Variants in TACR3 observed in about 807,000 individuals in gnomAD.
TACR3 encodes tachykinin receptor 3.
A neutral mutation model predicts 35.0 loss-of-function variants in TACR3; 34 were observed. The observed-to-expected ratio is 0.97, with a 90% CI of 0.74 to 1.30. TACR3 has a LOEUF of 1.30. TACR3 is among the 50% of genes most tolerant of loss of function. The pLI is 0.00. For synonymous variants in TACR3, 233 were observed against 221.1 expected (o/e 1.05, Z -0.48); for missense variants, 558 against 591.7 (o/e 0.94, Z 0.59).
intron 3 of TACR3, among the ~76,000 whole-genome samples, chr4:103,614,893 T>A (rs1261526211): frequency 4.3e-5 from 5 of 117,228 alleles, no homozygotes; most frequent in African/African-American, 1.6e-4. Context: ...TGTTTTTTTT[T>A]TTTTTTTTTT....
At chr4:103,647,552 G>C (rs1490360523) in intron 3 of TACR3, among the ~76,000 whole-genome samples, 1 of 151,860 alleles carries the variant, frequency 6.6e-6, no homozygotes, top group Non-Finnish European at 1.5e-5. Context: ...GCTTTGGCAA[G>C]ATTAGTAACC....
Position 103,666,086 on chromosome 4 carries a change from G to A in TACR3, c.549-7683C>T, listed in dbSNP as rs950866691. On this transcript the variant is annotated intron_variant, in intron 1 of 4. Transcript: ENST00000304883. Reference sequence around the variant, plus strand: ...CAGTCCCTCACTCCCTCATTAAACTGGTAGGTCTAGCTCAACCTTTTGGAA... The same window carrying A: ...CAGTCCCTCACTCCCTCATTAAACTAGTAGGTCTAGCTCAACCTTTTGGAA... Among the ~76,000 whole-genome samples, 5 of 152,086 alleles carry A rather than the reference G, an allele frequency of 3.3e-5. No individual in the cohort carries two copies. In the East Asian group the frequency reaches 9.6e-4, roughly 29 times the overall value.
intron 3 of TACR3, among the ~76,000 whole-genome samples, chr4:103,605,097 G>A (rs190314621): frequency 0.033 from 4,926 of 149,598 alleles, 301 homozygotes; most frequent in African/African-American, 0.12. Flanking sequence ...TTTTTTTTGC[G>A]ATAGTTTACT....
At chr4:103,662,042 C>T (rs915982403) in intron 1 of TACR3, among the ~76,000 whole-genome samples, 1 of 152,000 alleles carries the variant, frequency 6.6e-6, no homozygotes, top group Non-Finnish European at 1.5e-5. Flanking sequence ...GAAGGTAAGG[C>T]CAAGTGTATA....
At chr4:103,602,868 C>T (rs1248388040) in intron 3 of TACR3, among the ~76,000 whole-genome samples, 1 of 152,366 alleles carries the variant, frequency 6.6e-6, no homozygotes, top group Middle Eastern at 3.4e-3. Flanking sequence ...TCTGCCCATT[C>T]TCAGATCTCA....
In TACR3 at chr4:103,649,325, C is replaced by T. The variant is rs192674308; in HGVS notation, c.888+6869G>A. Among the ~76,000 whole-genome samples, 74 of 152,052 alleles carry T rather than the reference C, an allele frequency of 4.9e-4. 1 individual carries two copies. The highest frequency in any genetic ancestry group is 1.7e-3 in the African/African-American group (72 of 41,476). ...CTTTTGTCCATTTTGGTTTTGGTTG[C>T]CTGTGCTTGTTGGGTATTACTCAAG... On this transcript the variant is annotated intron_variant, in intron 3 of 4. Transcript: ENST00000304883.
intron 1 of TACR3, among the ~76,000 whole-genome samples, chr4:103,694,412 G>A (rs1025510095): frequency 2.6e-5 from 4 of 152,074 alleles, no homozygotes; most frequent in African/African-American, 9.7e-5. Flanking sequence ...CTGAGTTCCA[G>A]GTGGACTGCA....
chr4:103,607,581 A>G (rs1724409858), intron 3 of TACR3, among the ~76,000 whole-genome samples: 1 of 152,100 alleles, frequency 6.6e-6, no homozygotes, highest in Non-Finnish European at 1.5e-5. Context: ...GAGCCATGTG[A>G]TAATATAGGC....
intron 1 of TACR3, among the ~76,000 whole-genome samples, chr4:103,681,583 T>C (rs534864147): frequency 6.6e-6 from 1 of 152,264 alleles, no homozygotes; most frequent in East Asian, 1.9e-4. Flanking sequence ...TAATCCTAAA[T>C]GCACATAATA....
At chr4:103,666,133 C>T (rs768611866) in intron 1 of TACR3, among the ~76,000 whole-genome samples, 11 of 152,232 alleles carry the variant, frequency 7.2e-5, no homozygotes, top group Admixed American at 2.0e-4. Flanking sequence ...TAAAAATTTC[C>T]TCATTGTTTA....
chr4:103,595,810 T>G (rs1307266572), intron 3 of TACR3, among the ~76,000 whole-genome samples: 4 of 151,652 alleles, frequency 2.6e-5, no homozygotes, highest in Admixed American at 2.0e-4. Flanking sequence ...GCAGGTTAGT[T>G]ACATATGTAT....
At chr4:103,677,439 C>A (rs1726193318) in intron 1 of TACR3, among the ~76,000 whole-genome samples, 1 of 152,038 alleles carries the variant, frequency 6.6e-6, no homozygotes, top group Non-Finnish European at 1.5e-5. Flanking sequence ...TTCACAAAAA[C>A]AAAGACATAT....
chr4:103,690,714 G>C (rs1722384536), intron 1 of TACR3, among the ~76,000 whole-genome samples: 2 of 152,004 alleles, frequency 1.3e-5, no homozygotes, highest in Non-Finnish European at 2.9e-5. Flanking sequence ...TCCAGGATAG[G>C]CTTGTCTAGG....
At chr4:103,638,672 A>C (rs746229700) in intron 3 of TACR3, among the ~76,000 whole-genome samples, 31 of 152,180 alleles carry the variant, frequency 2.0e-4, no homozygotes, top group Non-Finnish European at 4.1e-4. Flanking sequence ...AATGGGAGAA[A>C]ATTTTTGCAA....
chr4:103,688,310 C>G (rs528846979), intron 1 of TACR3, among the ~76,000 whole-genome samples: 30 of 152,086 alleles, frequency 2.0e-4, no homozygotes, highest in Admixed American at 7.9e-4. Context: ...AGAAAACCTA[C>G]GCATTGCCAT....
chr4:103,587,835 T>A lies in TACR3; in HGVS notation c.*1847A>T, dbSNP rs1005689818. 1 of 152,138 alleles carries A rather than the reference T, an allele frequency of 6.6e-6. No individual in the cohort carries two copies. 9.4% of individuals were successfully genotyped at this position (152,138 alleles called of 1,614,324 possible). On this transcript the variant is annotated 3_prime_UTR_variant, in exon 5 of 5. Coordinates refer to ENST00000304883, the MANE Select transcript of TACR3 (RefSeq NM_001059.3). Reference sequence around the variant, plus strand: ...ATTAGATACTATATATTAAATTTGCTTATTTAAAACATGCACACAAGCTTC... The same window carrying A: ...ATTAGATACTATATATTAAATTTGCATATTTAAAACATGCACACAAGCTTC...
At chr4:103,648,831 G>T (rs1429778104) in intron 3 of TACR3, among the ~76,000 whole-genome samples, 1 of 151,988 alleles carries the variant, frequency 6.6e-6, no homozygotes, top group Non-Finnish European at 1.5e-5. Flanking sequence ...TTATATGGTA[G>T]TGCTATTTTT....
At position 103,588,721 on chromosome 4, in the gene TACR3, T is replaced by G. The variant is rs7438251; in HGVS notation, c.*961A>C. The G allele has an allele frequency of 6.6e-6, 1 of 152,146 alleles. No homozygotes were observed. The highest frequency in any genetic ancestry group is 6.5e-5 in the Admixed American group (1 of 15,268). The allele number at this position is 152,146 out of a possible 1,614,324, so 9.4% of individuals were successfully genotyped here. A position where few individuals can be genotyped will look rare whatever the true frequency, so the allele number is the denominator to read the frequency against. Reference sequence around the variant, plus strand: ...ATATTGGTATTTTTCAACCATATAGTCTTTTGTCACACTTGTGACTTTTTT... The same window carrying G: ...ATATTGGTATTTTTCAACCATATAGGCTTTTGTCACACTTGTGACTTTTTT... On this transcript the variant is annotated 3_prime_UTR_variant, in exon 5 of 5. Coordinates refer to ENST00000304883, the MANE Select transcript of TACR3 (RefSeq NM_001059.3).
At chr4:103,707,981 A>C (rs933688171) in intron 1 of TACR3, among the ~76,000 whole-genome samples, 4 of 152,188 alleles carry the variant, frequency 2.6e-5, no homozygotes, top group Non-Finnish European at 5.9e-5. Context: ...CTAAGGCTTG[A>C]GTAGGTAAAC....
Sources: allele counts gnomAD v4.1 joint callset (sites outside exome capture counted in the v4.1 genomes callset), GRCh38; gene constraint gnomAD v4.1.1; transcripts MANE v1.5; gene names NCBI Gene and HGNC (gene_info 2026-07-23, HGNC 2026-07-21).